Variants in ABCC4 observed in about 807,000 individuals in gnomAD.
The protein encoded by ABCC4 is ATP binding cassette subfamily C member 4 (PEL blood group).
In ABCC4, 102 loss-of-function variants were observed where a neutral mutation model predicts 168.5. The ratio of observed to expected loss-of-function variants is 0.61; its 90% CI spans 0.52 to 0.71. The LOEUF is 0.71. ABCC4 is among the 30% of genes least tolerant of loss of function. The probability of loss-of-function intolerance (pLI) is 0.00; values close to 1 mark genes in which losing one functional copy is unlikely to be tolerated. For synonymous variants in ABCC4, 617 were observed against 590.7 expected (o/e 1.04, Z -0.65); for missense variants, 1,402 against 1,605.8 (o/e 0.87, Z 2.17).
intron 23 of ABCC4, 22 bp downstream of exon 23, chr13:95,074,192 A>C (rs781674429): frequency 6.5e-7 from 1 of 1,540,934 alleles, no homozygotes; most frequent in East Asian, 2.2e-5. Flanking sequence ...TACCATACAT[A>C]GTTATTCACA....
rs1311271080 is a variant in ABCC4 at position 95,188,918 on chromosome 13, C to T, written c.1264-376G>A. Among the ~76,000 whole-genome samples the T allele has an allele frequency of 5.9e-5, 9 of 152,078 alleles. 1 individual carries two copies. In the South Asian group the frequency reaches 6.2e-4, roughly 11 times the overall value. ...TTTACTTTAAGTTCTAGGATACATG[C>T]GCAGAACGTGCAGGTTTGTTACATA... On this transcript the variant is annotated intron_variant, in intron 9 of 30. Transcript: ENST00000645237.
chr13:95,170,278 G>C (rs1323192294), intron 14 of ABCC4: 1 of 369,684 alleles, frequency 2.7e-6, no homozygotes, highest in Non-Finnish European at 4.8e-6. Context: ...TCATGGAAGA[G>C]GTAAACAAAA....
chr13:95,241,957 T>C (rs926502126), intron 3 of ABCC4, among the ~76,000 whole-genome samples: 7 of 152,160 alleles, frequency 4.6e-5, no homozygotes, highest in Non-Finnish European at 1.0e-4. Context: ...CATTCCATTA[T>C]TGGAACACTA....
intron 30 of ABCC4, among the ~76,000 whole-genome samples, chr13:95,033,404 C>T (rs2031972627): frequency 6.6e-6 from 1 of 152,064 alleles, no homozygotes; most frequent in Admixed American, 6.6e-5. Flanking sequence ...ATGTTCCTTC[C>T]CTCCCTCCAT....
In ABCC4 at chr13:95,071,742, CA is replaced by C. The variant is rs1660352327; in HGVS notation, c.3129del (p.Phe1043LeufsTer4). 6.2e-7 allele frequency: 1 copy of C among 1,606,126 alleles called. No individual in the cohort carries two copies. Among genetic ancestry groups the C allele is most frequent in the Non-Finnish European group, 8.5e-7 (1 of 1,176,392 alleles). ...GGACTGTACATGAAGTTCACATTGT[CA>C]AAGATTATCACTCCTTCATGGGGCC... is the stretch of plus-strand genomic sequence containing the variant. ...PAWPHEGVII[F>X]DNVNFMYSPG... is the part of the protein sequence containing the mutation. On this transcript the variant is annotated frameshift_variant, in exon 25 of 31. Coordinates refer to ENST00000645237, the MANE Select transcript of ABCC4 (RefSeq NM_005845.5). LOFTEE classifies it high-confidence loss of function.
intron 4 of ABCC4, among the ~76,000 whole-genome samples, chr13:95,223,037 T>G (rs1431790897): frequency 6.6e-6 from 1 of 152,094 alleles, no homozygotes; most frequent in African/African-American, 2.4e-5. Flanking sequence ...AAACAAGCAC[T>G]ACCTAACAGG....
chr13:95,077,552 G>A (rs953550535), intron 21 of ABCC4, among the ~76,000 whole-genome samples: 3 of 151,924 alleles, frequency 2.0e-5, no homozygotes, highest in African/African-American at 4.8e-5. Context: ...TGCTCAGGCT[G>A]GTCTCGAACT....
chr13:95,066,368 G>A (rs991024904), intron 25 of ABCC4, among the ~76,000 whole-genome samples: 6 of 151,996 alleles, frequency 3.9e-5, no homozygotes, highest in African/African-American at 1.5e-4. Context: ...TCTATCTTAC[G>A]GAGCAGGCAT....
chr13:95,091,996 C>G (rs1412837828), intron 20 of ABCC4, among the ~76,000 whole-genome samples: 1 of 152,112 alleles, frequency 6.6e-6, no homozygotes, highest in Non-Finnish European at 1.5e-5. Flanking sequence ...ACATGAAACA[C>G]AGCAGGGGCA....
chr13:95,098,891 T>C (rs1419676229), intron 20 of ABCC4, among the ~76,000 whole-genome samples: 2 of 152,186 alleles, frequency 1.3e-5, no homozygotes, highest in East Asian at 1.9e-4. Context: ...TTGGCGAGGA[T>C]GTGGAGCAAC....
rs556397425 is a variant in ABCC4 at position 95,131,457 on chromosome 13, G to C, written c.2456-15456C>G. Among the ~76,000 whole-genome samples the C allele has an allele frequency of 2.6e-5, 4 of 152,112 alleles. No homozygotes were observed. The South Asian group carries it at 8.3e-4, about 32-fold the overall frequency. On this transcript the variant is annotated intron_variant, in intron 19 of 30. Coordinates refer to ENST00000645237, the MANE Select transcript of ABCC4 (RefSeq NM_005845.5). ...AGCCTGGCCAACATGGTGAAACCCC[G>C]TCTCTACTAAAAATATAAAAAATTA... is the stretch of plus-strand genomic sequence containing the variant.
chr13:95,042,414 A>T (rs1284694352), intron 29 of ABCC4, among the ~76,000 whole-genome samples: 1 of 152,204 alleles, frequency 6.6e-6, no homozygotes, highest in Non-Finnish European at 1.5e-5. Context: ...GCAACAGTGA[A>T]TGCTGCGTTT....
intron 19 of ABCC4, among the ~76,000 whole-genome samples, chr13:95,143,746 T>C (rs778179548): frequency 1.4e-4 from 21 of 152,154 alleles, no homozygotes; most frequent in Admixed American, 1.2e-3. Flanking sequence ...GTTAAAAAAT[T>C]ATAAAAACTT....
At chr13:95,254,161 G>A (rs771221130) in intron 1 of ABCC4, among the ~76,000 whole-genome samples, 23 of 152,336 alleles carry the variant, frequency 1.5e-4, no homozygotes, top group Non-Finnish European at 2.5e-4. Flanking sequence ...GCCTCCCAAA[G>A]TGTTGGGATT....
At chr13:95,024,200 C>G (rs2031254948) in intron 30 of ABCC4, among the ~76,000 whole-genome samples, 1 of 114,290 alleles carries the variant, frequency 8.7e-6, no homozygotes, top group Non-Finnish European at 1.7e-5. Context: ...GAGTGAGAGA[C>G]TGTCTCAAAA....
chr13:95,133,463 T>C (rs1459228718), intron 19 of ABCC4, among the ~76,000 whole-genome samples: 1 of 152,060 alleles, frequency 6.6e-6, no homozygotes, highest in Non-Finnish European at 1.5e-5. Context: ...TCTCTCAGCA[T>C]CCAGTCTATC....
chr13:95,268,545 C>T (rs570026542), intron 1 of ABCC4, among the ~76,000 whole-genome samples: 80 of 152,198 alleles, frequency 5.3e-4, no homozygotes, highest in African/African-American at 1.9e-3. Context: ...GGCAATGGAA[C>T]GTCTCAGTGT....
chr13:95,241,261 A>G (rs898466026), intron 3 of ABCC4, among the ~76,000 whole-genome samples: 9 of 151,580 alleles, frequency 5.9e-5, no homozygotes, highest in Admixed American at 2.0e-4. Flanking sequence ...GCTACTCAGG[A>G]GGCAGAGGCA....
chr13:95,094,394 A>C (rs2034524538), intron 20 of ABCC4, among the ~76,000 whole-genome samples: 1 of 152,202 alleles, frequency 6.6e-6, no homozygotes, highest in South Asian at 2.1e-4. Context: ...TATTTGACAA[A>C]GCAAACAAAA....
Sources: allele counts gnomAD v4.1 joint callset (sites outside exome capture counted in the v4.1 genomes callset), GRCh38; gene constraint gnomAD v4.1.1; transcripts MANE v1.5; gene names NCBI Gene and HGNC (gene_info 2026-07-23, HGNC 2026-07-21).